The following SLC4A3 variants were observed in gnomAD, a reference collection of about 807,000 sequenced individuals.
SLC4A3 encodes solute carrier family 4 member 3, also known as anion exchange protein 3.
SLC4A3 carries 47 observed loss-of-function variants against 114.2 expected under a neutral mutation model. The observed-to-expected ratio is 0.41, with a 90% confidence interval of 0.33 to 0.52. The LOEUF (loss-of-function observed/expected upper bound fraction) is 0.52, where lower values mean the gene tolerates loss of function less well. SLC4A3 is among the 20% of genes least tolerant of loss of function. The pLI, the probability that SLC4A3 is intolerant of heterozygous loss-of-function variation, is 0.21. For synonymous variants in SLC4A3, 693 were observed against 710.3 expected (o/e 0.98, Z 0.39); for missense variants, 1,312 against 1,668.3 (o/e 0.79, Z 3.72).
intron 9 of SLC4A3, 117 bp from the exon 10 acceptor site, chr2:219,633,157 A>G: frequency 7.2e-7 from 1 of 1,388,794 alleles, no homozygotes; most frequent in Non-Finnish European, 9.9e-7. Context: ...AATCATTATA[A>G]AGTTTCTTTT....
Position 219,628,742 on chromosome 2 carries a change from A to C in SLC4A3, c.217+172A>C. 6.9e-6 allele frequency: 5 copies of C among 722,408 alleles called. No homozygotes were observed. The highest frequency in any genetic ancestry group is 1.8e-5 in the African/African-American group (1 of 55,980). The allele number at this position is 722,408 out of a possible 1,614,324, so 44.7% of individuals were successfully genotyped here. On this transcript the variant is annotated intron_variant, in intron 3 of 22. Transcript: ENST00000358055. This position sits in a 1 kb window ranked among gnomAD's most constrained non-coding sequence, Gnocchi z 4.8. ...TTCAGTCATCCTGCCTCCCCCACCC[A>C]TCGCCTGTCCGCCTGCCTGGGGAGG...
Position 219,639,472 on chromosome 2 carries a change from C to T in SLC4A3, c.3024-10C>T. On this transcript the variant is annotated splice_polypyrimidine_tract_variant and intron_variant, in intron 19 of 22. Transcript: ENST00000358055. The surrounding 1 kb of genome is among the most constrained non-coding windows in gnomAD (Gnocchi z 5.9). The stretch of plus-strand genomic sequence containing the variant: ...CCAGCCACACCCCGCTCCCCACCTT[C>T]TCCCTGCAGGCTTATCGTCAGCCAG... The T allele has an allele frequency of 6.2e-7, 1 of 1,609,756 alleles. No homozygotes were observed. Among genetic ancestry groups the T allele is most frequent in the Non-Finnish European group, 8.5e-7 (1 of 1,177,700 alleles).
chr2:219,637,923 C>T lies in SLC4A3; in HGVS notation c.2766+112C>T, dbSNP rs953234621. 8 of 854,192 alleles carry T rather than the reference C, an allele frequency of 9.4e-6. No homozygotes were observed. The highest frequency in any genetic ancestry group is 3.3e-5 in the African/African-American group (2 of 59,826). The allele number at this position is 854,192 out of a possible 1,614,324, so 52.9% of individuals were successfully genotyped here. ...TCAGCCCATGGACCAAAACCCAGCT[C>T]GGGCAGCCCCTCACCCCTTCGGAAG... On this transcript the variant is annotated intron_variant, in intron 17 of 22. Coordinates refer to ENST00000358055, the MANE Select transcript of SLC4A3 (RefSeq NM_005070.4). The surrounding 1 kb of genome is among the most constrained non-coding windows in gnomAD (Gnocchi z 4.6).
rs1042367951 is a variant in SLC4A3, at chr2:219,628,548, C to T, written c.195C>T (p.Ser65=). Residue 65 remains serine (S), a synonymous_variant, in exon 3 of 23, where the codon AGC becomes AGT. Transcript: ENST00000358055. The surrounding 1 kb of genome is among the most constrained non-coding windows in gnomAD (Gnocchi z 4.8). ...PAWDPEKPSR[S]YSERDFEFHR... is the part of the protein sequence containing the mutation. ...GGGACCCCGAGAAGCCCAGCCGCAG[C>T]TACAGCGAGCGGGACTTTGAGTGTG... 1.2e-6 allele frequency: 2 copies of T among 1,613,350 alleles called. No individual in the cohort carries two copies. Among genetic ancestry groups the T allele is most frequent in the East Asian group, 2.2e-5 (1 of 44,872 alleles).
chr2:219,628,155 A>G lies in SLC4A3; in HGVS notation c.51+112A>G. The G allele has an allele frequency of 1.1e-6, 1 of 922,948 alleles. No homozygotes were observed. Among genetic ancestry groups the G allele is most frequent in the Non-Finnish European group, 1.6e-6 (1 of 632,040 alleles). The allele number at this position is 922,948 out of a possible 1,614,324, so 57.2% of individuals were successfully genotyped here. On this transcript the variant is annotated intron_variant, in intron 2 of 22. Coordinates refer to ENST00000358055, the MANE Select transcript of SLC4A3 (RefSeq NM_005070.4). This position sits in a 1 kb window ranked among gnomAD's most constrained non-coding sequence, Gnocchi z 4.8. The stretch of plus-strand genomic sequence containing the variant: ...CCGGGACCCCCCAGATCCAGGGATG[A>G]GCTGGGCTGGGGGTTACGGAGAAAG...
rs1698815700 is a variant in SLC4A3 at position 219,628,868 on chromosome 2, C to T, written c.218-276C>T. 1.7e-6 allele frequency: 1 copy of T among 582,674 alleles called. No homozygotes were observed. Among genetic ancestry groups the T allele is most frequent in the African/African-American group, 1.9e-5 (1 of 53,404 alleles). 36.1% of individuals were successfully genotyped at this position (582,674 alleles called of 1,614,324 possible). A position where few individuals can be genotyped will look rare whatever the true frequency, so the allele number is the denominator to read the frequency against. On this transcript the variant is annotated intron_variant, in intron 3 of 22. Coordinates refer to ENST00000358055, the MANE Select transcript of SLC4A3 (RefSeq NM_005070.4). The surrounding 1 kb of genome is among the most constrained non-coding windows in gnomAD (Gnocchi z 4.8). ...CCCACTCACTCCCTCCTTGTCCCAC[C>T]TCGGCTAGTCCAACTCCGCCTTTCC...
Position 219,633,973 on chromosome 2 carries a change from CTT to C in SLC4A3, c.1556_1557del (p.Leu519ArgfsTer19). 6.4e-7 allele frequency: 1 copy of C among 1,552,986 alleles called. No individual in the cohort carries two copies. Among genetic ancestry groups the C allele is most frequent in the Non-Finnish European group, 8.7e-7 (1 of 1,147,570 alleles). On this transcript the variant is annotated frameshift_variant, in exon 11 of 23. Coordinates refer to ENST00000358055, the MANE Select transcript of SLC4A3 (RefSeq NM_005070.4). LOFTEE classifies it high-confidence loss of function. ...IPEDAEATVV[L>X]VGCVPFLEQP... ...TGAAGATGCTGAGGCCACGGTTGTG[CTT>C]GTGGGTGAGGAGGGCCGGGCGCCGG...
In SLC4A3 at chr2:219,628,414, C is replaced by A. The variant is rs1698795771; in HGVS notation, c.61C>A (p.Pro21Thr). ...CCGTCTGGGCCTGCAGGTCCGGGTG[C>A]CCTTGGAGGAGCCCCCTCTAAGTCC... The part of the protein sequence containing the change: ...GASPLPQVRV[P>T]LEEPPLSPDV... The change falls in exon 3 of 23, where the codon CCC becomes ACC. Residue 21 changes from proline to threonine, a missense_variant. By Grantham distance (38) the Pro-to-Thr change is conservative. Around this residue, in one of 4 missense-constraint regions of SLC4A3, gnomAD observed 236 missense variants for 212.1 expected, o/e 1.11. Coordinates refer to ENST00000358055, the MANE Select transcript of SLC4A3 (RefSeq NM_005070.4). The surrounding 1 kb of genome is among the most constrained non-coding windows in gnomAD (Gnocchi z 4.8). 3 of 1,611,246 alleles carry A rather than the reference C, an allele frequency of 1.9e-6. No homozygotes were observed. Among genetic ancestry groups the A allele is most frequent in the Admixed American group, 1.7e-5 (1 of 59,394 alleles).
chr2:219,636,551 C>T lies in SLC4A3; in HGVS notation c.2340+101C>T. On this transcript the variant is annotated intron_variant, in intron 15 of 22. Coordinates refer to ENST00000358055, the MANE Select transcript of SLC4A3 (RefSeq NM_005070.4). This position sits in a 1 kb window ranked among gnomAD's most constrained non-coding sequence, Gnocchi z 5.5. The stretch of plus-strand genomic sequence containing the variant: ...CCTTACCTACATCCTGCCCCACACT[C>T]TTCCTTACCTAGGGGATGGGTCCCT... The T allele has an allele frequency of 1.4e-6, 2 of 1,480,364 alleles. No individual in the cohort carries two copies. The highest frequency in any genetic ancestry group is 1.8e-6 in the Non-Finnish European group (2 of 1,104,146). The allele number at this position is 1,480,364 out of a possible 1,614,324, so 91.7% of individuals were successfully genotyped here.
chr2:219,640,608 G>A lies in SLC4A3; in HGVS notation c.3447+9G>A, dbSNP rs201025869. The A allele has an allele frequency of 1.8e-4, 293 of 1,612,772 alleles. No individual in the cohort carries two copies. The highest frequency in any genetic ancestry group is 2.3e-4 in the Non-Finnish European group (270 of 1,179,168). On this transcript the variant is annotated intron_variant, in intron 21 of 22. Coordinates refer to ENST00000358055, the MANE Select transcript of SLC4A3 (RefSeq NM_005070.4). Reference sequence around the variant, plus strand: ...AGCCCTATGTGACCAAGGTAGGGCCGGGAAGCATGGGGGTAGGGCAGTGGG... The same window carrying A: ...AGCCCTATGTGACCAAGGTAGGGCCAGGAAGCATGGGGGTAGGGCAGTGGG...
At position 219,640,541 on chromosome 2, in the gene SLC4A3, G is replaced by A. The variant is rs767448930; in HGVS notation, c.3389G>A (p.Arg1130His). The A allele has an allele frequency of 1.7e-5, 27 of 1,614,158 alleles. No homozygotes were observed. Among genetic ancestry groups the A allele is most frequent in the Non-Finnish European group, 2.2e-5 (26 of 1,180,030 alleles). Residue 1130 changes from arginine (R) to histidine (H), a missense_variant, in exon 21 of 23, where the codon CGT (arginine) becomes CAT (histidine). By Grantham distance (29) the Arg-to-His change is conservative (BLOSUM62 0). This residue lies in a region of SLC4A3 where 301 missense variants were observed against 460.7 expected (regional missense o/e 0.65). Transcript: ENST00000358055. ...TSLSGIQLSQRLLLILMPAKH... is the reference protein window; with the variant it reads ...TSLSGIQLSQHLLLILMPAKH... ...CTGTCTGGTATCCAGCTGTCCCAGCGTTTGTTGCTCATCCTCATGCCGGCA... is the reference window on the plus strand; with the variant it reads ...CTGTCTGGTATCCAGCTGTCCCAGCATTTGTTGCTCATCCTCATGCCGGCA...
In SLC4A3 at chr2:219,628,473, G is replaced by A. The variant is rs1698798456; in HGVS notation, c.120G>A (p.Lys40=). The A allele has an allele frequency of 1.2e-6, 2 of 1,613,856 alleles. No homozygotes were observed. The highest frequency in any genetic ancestry group is 1.7e-6 in the Non-Finnish European group (2 of 1,179,894). The change falls in exon 3 of 23, where the codon AAG becomes AAA. Residue 40 remains lysine (K), a synonymous_variant. Transcript: ENST00000358055. The surrounding 1 kb of genome is among the most constrained non-coding windows in gnomAD (Gnocchi z 4.8). ...AGGAGGAGGACGATGACTTGGGCAA[G>A]ACCTTGGCTGTGAGCAGGTTTGGGG... The part of the protein sequence containing the change: ...DVEEEDDDLG[K]TLAVSRFGDL...
chr2:219,641,114 T>G lies in SLC4A3; in HGVS notation c.3621+152T>G, dbSNP rs1305419742. 5.4e-6 allele frequency: 4 copies of G among 744,454 alleles called. No homozygotes were observed. The highest frequency in any genetic ancestry group is 8.7e-6 in the Non-Finnish European group (4 of 459,688). The allele number at this position is 744,454 out of a possible 1,614,324, so 46.1% of individuals were successfully genotyped here. ...CCTTCCGAAATCTTATTTTCACCTG[T>G]ATAATAGGGGTGATCATAGACCCTA... is the stretch of plus-strand genomic sequence containing the variant. On this transcript the variant is annotated intron_variant, in intron 22 of 22. Coordinates refer to ENST00000358055, the MANE Select transcript of SLC4A3 (RefSeq NM_005070.4). This position sits in a 1 kb window ranked among gnomAD's most constrained non-coding sequence, Gnocchi z 4.0.
chr2:219,637,588 C>T lies in SLC4A3; in HGVS notation c.2543C>T (p.Thr848Ile). The T allele has an allele frequency of 6.3e-7, 1 of 1,574,946 alleles. No homozygotes were observed. The highest frequency in any genetic ancestry group is 8.7e-7 in the Non-Finnish European group (1 of 1,153,334). ...CTTGTTATCCACACACAGGTGTTCA[C>T]AGAGCACCCACTGCTGCCGTTCTAC... ...ETFYKLYKVF[T>I]EHPLLPFYPP... is the part of the protein sequence containing the mutation. Residue 848 changes from threonine to isoleucine, a missense_variant, in exon 17 of 23, where the codon ACA (threonine) becomes ATA (isoleucine). Transcript: ENST00000358055. This position sits in a 1 kb window ranked among gnomAD's most constrained non-coding sequence, Gnocchi z 4.6.
chr2:219,635,782 G>C lies in SLC4A3; in HGVS notation c.2082G>C (p.Pro694=). 6.3e-7 allele frequency: 1 copy of C among 1,593,436 alleles called. No individual in the cohort carries two copies. Among genetic ancestry groups the C allele is most frequent in the African/African-American group, 1.4e-5 (1 of 74,020 alleles). ...TGCGGGATGTGAGGCGCCGGTACCC[G>C]CACTACCCCAGTGACCTGCGAGATG... The part of the protein sequence containing the change: ...GLVRDVRRRY[P]HYPSDLRDAL... Residue 694 remains proline, a synonymous_variant, in exon 14 of 23, where the codon CCG becomes CCC. Transcript: ENST00000358055.
Position 219,636,781 on chromosome 2 carries a change from C to T in SLC4A3, c.2442C>T (p.Phe814=). 2 of 1,614,090 alleles carry T rather than the reference C, an allele frequency of 1.2e-6. No homozygotes were observed. The highest frequency in any genetic ancestry group is 2.2e-5 in the South Asian group (2 of 91,080). The change falls in exon 16 of 23, where the codon TTC becomes TTT. Residue 814 remains phenylalanine, a synonymous_variant. Coordinates refer to ENST00000358055, the MANE Select transcript of SLC4A3 (RefSeq NM_005070.4). This position sits in a 1 kb window ranked among gnomAD's most constrained non-coding sequence, Gnocchi z 5.5. ...CCCTGGTGGCCGCCGAAGGCAGCTTCCTGGTCCGCTACATCTCGCCTTTCA... is the reference window on the plus strand; with the variant it reads ...CCCTGGTGGCCGCCGAAGGCAGCTTTCTGGTCCGCTACATCTCGCCTTTCA... The part of the protein sequence containing the change: ...VLALVAAEGS[F]LVRYISPFTQ...
rs368852147 is a variant in SLC4A3 at position 219,636,488 on chromosome 2, C to T, written c.2340+38C>T. The T allele has an allele frequency of 4.5e-6, 7 of 1,549,104 alleles. No individual in the cohort carries two copies. In the East Asian group the frequency reaches 1.1e-4, roughly 25 times the overall value. On this transcript the variant is annotated intron_variant, in intron 15 of 22. Coordinates refer to ENST00000358055, the MANE Select transcript of SLC4A3 (RefSeq NM_005070.4). The surrounding 1 kb of genome is among the most constrained non-coding windows in gnomAD (Gnocchi z 5.5). ...CTTGCCCTGCTCCATCCATCCTGCC[C>T]CACACTCTTCCTTACCTACATCCTG...
At position 219,630,459 on chromosome 2, in the gene SLC4A3, C is replaced by G; in HGVS notation, c.811+107C>G. 8.4e-7 allele frequency: 1 copy of G among 1,193,948 alleles called. No homozygotes were observed. The highest frequency in any genetic ancestry group is 1.2e-6 in the Non-Finnish European group (1 of 868,882). 74.0% of individuals were successfully genotyped at this position (1,193,948 alleles called of 1,614,324 possible). A position where few individuals can be genotyped will look rare whatever the true frequency, so the allele number is the denominator to read the frequency against. The stretch of plus-strand genomic sequence containing the variant: ...TGTCCCCTGCTAAGGGCTGAGTCCT[C>G]TCTGAATCCCTGTCTGCTGGGATGT... On this transcript the variant is annotated intron_variant, in intron 6 of 22. Transcript: ENST00000358055. This position sits in a 1 kb window ranked among gnomAD's most constrained non-coding sequence, Gnocchi z 6.9.
rs924890335 is a variant in SLC4A3, at chr2:219,628,695, C to T, written c.217+125C>T. On this transcript the variant is annotated intron_variant, in intron 3 of 22. Coordinates refer to ENST00000358055, the MANE Select transcript of SLC4A3 (RefSeq NM_005070.4). This position sits in a 1 kb window ranked among gnomAD's most constrained non-coding sequence, Gnocchi z 4.8. ...CCTGTGCCGGACACTGTGCTGGACT[C>T]TGTGCTGGGCCACATGCCGTGTTCA... 8.2e-6 allele frequency: 8 copies of T among 976,292 alleles called. No homozygotes were observed. In the African/African-American group the frequency reaches 1.2e-4, roughly 14 times the overall value. 60.5% of individuals were successfully genotyped at this position (976,292 alleles called of 1,614,324 possible).
Sources: gnomAD v4.1 joint callset for allele counts on GRCh38, gnomAD v4.1.1 for gene constraint, gnomAD v4.1.1 regional missense constraint, Gnocchi (gnomAD v3.1) non-coding constraint, MANE v1.5 for transcripts, NCBI Gene and HGNC (gene_info 2026-07-23, HGNC 2026-07-21) for gene names.